The following CIRSR variants were observed in gnomAD, a reference collection of about 807,000 sequenced individuals.
CIRSR encodes CBF1 (RBPJ) interacting corepressor 1.
At chr2:174,348,364 T>C in the CIRSR span, 2 of 1,408,896 alleles carry the variant, frequency 1.4e-6, no homozygotes, top group African/African-American at 2.9e-5. Flanking sequence ...AGATGAAAAA[T>C]TAAAATTGAG....
At chr2:174,381,698 A>T in the CIRSR span, 1 of 1,575,352 alleles carries the variant, frequency 6.3e-7, no homozygotes, top group Non-Finnish European at 8.6e-7. Flanking sequence ...GGAAGAAGAT[A>T]AGTACCTTTT....
the CIRSR span, among the ~76,000 whole-genome samples, chr2:174,366,775 G>A: frequency 1.3e-5 from 2 of 152,196 alleles, no homozygotes; most frequent in Non-Finnish European, 2.9e-5. Flanking sequence ...TATAAGGGAT[G>A]CGAGGGAGCT....
At chr2:174,366,558 A>G in the CIRSR span, among the ~76,000 whole-genome samples, 1 of 152,216 alleles carries the variant, frequency 6.6e-6, no homozygotes, top group Non-Finnish European at 1.5e-5. Context: ...GAAGCTCCTT[A>G]GTGAGAAGGA....
chr2:174,384,311 G>T, the CIRSR span, among the ~76,000 whole-genome samples: 1 of 152,218 alleles, frequency 6.6e-6, no homozygotes, highest in African/African-American at 2.4e-5. Context: ...GAGGCATTTA[G>T]AATAGGCAAA....
At chr2:174,387,591 G>T in the CIRSR span, 5 of 1,360,628 alleles carry the variant, frequency 3.7e-6, no homozygotes, top group South Asian at 1.3e-5. Flanking sequence ...TTGGGTATTT[G>T]ATTCCAAAAA....
At chr2:174,371,661 T>TA in the CIRSR span, among the ~76,000 whole-genome samples, 2 of 152,234 alleles carry the variant, frequency 1.3e-5, no homozygotes, top group Non-Finnish European at 2.9e-5. Context: ...AAGTAAATCT[T>TA]ATGCTGGTCT....
chr2:174,374,119 T>C, the CIRSR span, among the ~76,000 whole-genome samples: 11 of 152,206 alleles, frequency 7.2e-5, no homozygotes, highest in East Asian at 1.9e-4. Flanking sequence ...ACAGCATCAG[T>C]GGCCAAGCCC....
the CIRSR span, among the ~76,000 whole-genome samples, chr2:174,355,504 C>T: frequency 6.6e-6 from 1 of 152,194 alleles, no homozygotes; most frequent in Admixed American, 6.5e-5. Context: ...CTGCTTTCAA[C>T]ATTCATTTAT....
chr2:174,387,978 C>T, the CIRSR span, among the ~76,000 whole-genome samples: 85 of 152,082 alleles, frequency 5.6e-4, 1 homozygote, highest in Middle Eastern at 0.01. Flanking sequence ...AATATACTAA[C>T]GATAGCCAAC....
chr2:174,387,347 G>C, the CIRSR span: 1 of 177,504 alleles, frequency 5.6e-6, no homozygotes, highest in Non-Finnish European at 1.2e-5. Flanking sequence ...CCTCTTGAAA[G>C]TATGCTGGGT....
chr2:174,366,341 C>T, the CIRSR span, among the ~76,000 whole-genome samples: 1 of 152,102 alleles, frequency 6.6e-6, no homozygotes, highest in Non-Finnish European at 1.5e-5. Flanking sequence ...ACCACATATC[C>T]AGAGCCCAGA....
the CIRSR span, among the ~76,000 whole-genome samples, chr2:174,354,450 AT>A: frequency 1.1e-5 from 1 of 93,542 alleles, no homozygotes; most frequent in African/African-American, 5.0e-5. Context: ...AATATATTAT[AT>A]AATATAATAT....
chr2:174,395,380 C>G, the CIRSR span, among the ~76,000 whole-genome samples: 2 of 152,318 alleles, frequency 1.3e-5, no homozygotes, highest in Admixed American at 1.3e-4. Flanking sequence ...CGCTGAGGAC[C>G]CGCTGCGTCA....
chr2:174,376,685 C>A, the CIRSR span, among the ~76,000 whole-genome samples: 1 of 151,620 alleles, frequency 6.6e-6, no homozygotes, highest in East Asian at 1.9e-4. Flanking sequence ...GTAGTCCCAG[C>A]TACTCGGGAG....
At chr2:174,379,023 G>A in the CIRSR span, 4 of 1,612,918 alleles carry the variant, frequency 2.5e-6, no homozygotes, top group Admixed American at 5.0e-5. Context: ...GACATTTAAT[G>A]CACCTCACAT....
At chr2:174,388,517 G>C in the CIRSR span, among the ~76,000 whole-genome samples, 1 of 152,076 alleles carries the variant, frequency 6.6e-6, no homozygotes, top group Non-Finnish European at 1.5e-5. Flanking sequence ...ATGCTTTATA[G>C]CAAGTTTGGG....
chr2:174,356,569 A>AGAAAGAAAG, the CIRSR span, among the ~76,000 whole-genome samples: 2 of 140,312 alleles, frequency 1.4e-5, no homozygotes, highest in African/African-American at 5.0e-5. Flanking sequence ...GAAAGAAAGG[A>AGAAAGAAAG]GAAAGAAAGG....
At chr2:174,376,203 G>A in the CIRSR span, among the ~76,000 whole-genome samples, 3 of 152,166 alleles carry the variant, frequency 2.0e-5, no homozygotes, top group Non-Finnish European at 2.9e-5. Context: ...GCCTCATGCA[G>A]AGAAACCATA....
the CIRSR span, among the ~76,000 whole-genome samples, chr2:174,356,524 AAAGAAGAAAGG>A: frequency 2.1e-5 from 3 of 143,608 alleles, no homozygotes; most frequent in East Asian, 2.1e-4. Context: ...AGAAAGAAAG[AAAGAAGAAAGG>A]AAGGAAGGAA....
Sources: gnomAD v4.1 joint callset for allele counts (sites outside exome capture counted in the v4.1 genomes callset) on GRCh38, gnomAD v4.1.1 for gene constraint, MANE v1.5 for transcripts, NCBI Gene and HGNC (gene_info 2026-07-23, HGNC 2026-07-21) for gene names.